Variants in FANCA observed in about 807,000 individuals in gnomAD.
FANCA encodes the protein Fanconi anemia group A protein.
A neutral mutation model predicts 194.3 loss-of-function variants in FANCA; 236 were observed. That is an observed-to-expected ratio of 1.21 (90% CI 1.09 to 1.35). FANCA has a LOEUF of 1.35. Among genes scored for constraint, FANCA ranks in the 40% most tolerant of loss-of-function variants. FANCA has a pLI of 0.00. For missense variants in FANCA, 2,628 were observed against 1,813.9 expected, an observed-to-expected ratio of 1.45 and a Z score of -8.15; for synonymous variants, 1,014 against 715.8, an observed-to-expected ratio of 1.42 and a Z score of -6.65.
At chr16:89,798,068 G>GA (rs1172553233) in intron 10 of FANCA, among the ~76,000 whole-genome samples, 1 of 152,126 alleles carries the variant, frequency 6.6e-6, no homozygotes, top group African/African-American at 2.4e-5. Flanking sequence ...TTCCTCTGTT[G>GA]AAGCCCAGCC....
rs1303882559 is a variant in FANCA at position 89,808,320 on chromosome 16, A to G, written c.570T>C (p.Ile190=). The G allele has an allele frequency of 2.5e-6, 4 of 1,614,194 alleles. No homozygotes were observed. The highest frequency in any genetic ancestry group is 1.1e-5 in the South Asian group (1 of 91,084). Residue 190 remains isoleucine, a synonymous_variant, in exon 6 of 43, where the codon ATT becomes ATC. Coordinates refer to ENST00000389301, the MANE Select transcript of FANCA (RefSeq NM_000135.4). ...TTTCCAGCAGCTCTTGCAGGCTCAC[A>G]ATGCCTTGTACGTGAAGATGCCACA... The part of the protein sequence containing the change: ...EAVWHLHVQG[I]VSLQELLESH...
intron 28 of FANCA, chr16:89,762,706 C>T (rs1041259651): frequency 3.4e-5 from 15 of 440,646 alleles, no homozygotes; most frequent in Middle Eastern, 3.3e-4. Flanking sequence ...AATCGTAGCT[C>T]GCTGCAGACT....
Position 89,748,677 on chromosome 16 carries a change from G to C in FANCA, c.3330C>G (p.His1110Gln). ...PITARCEQFF[H>Q]LVNSEMRNFC... ...CACCTACCATCTCAGAGTTGACCAA[G>C]TGGAAGAACTGCTCGCATCTGGCAG... The change falls in exon 33 of 43, where the codon CAC becomes CAG. Residue 1110 changes from histidine to glutamine, a missense_variant. Transcript: ENST00000389301. 6.2e-7 allele frequency: 1 copy of C among 1,614,050 alleles called. No homozygotes were observed. Among genetic ancestry groups the C allele is most frequent in the South Asian group, 1.1e-5 (1 of 91,076 alleles).
intron 5 of FANCA, 78 bp from the exon 6 acceptor site, chr16:89,808,445 C>G (rs1488627205): frequency 2.8e-6 from 4 of 1,437,466 alleles, no homozygotes; most frequent in Non-Finnish European, 3.9e-6. Context: ...AATGCATTTT[C>G]CTACAAAATG....
chr16:89,798,731 C>G (rs2040333887), intron 10 of FANCA: 1 of 1,343,682 alleles, frequency 7.4e-7, no homozygotes, highest in Non-Finnish European at 9.6e-7. Flanking sequence ...TGAATCTGAG[C>G]AGGATCTGTG....
In FANCA at chr16:89,758,655, G is replaced by A. The variant is rs779162871; in HGVS notation, c.2903C>T (p.Ser968Leu). 7.4e-6 allele frequency: 12 copies of A among 1,613,844 alleles called. No homozygotes were observed. Among genetic ancestry groups the A allele is most frequent in the African/African-American group, 4.0e-5 (3 of 74,928 alleles). Residue 968 changes from serine to leucine, a missense_variant, in exon 30 of 43, where the codon TCG (serine) becomes TTG (leucine). Transcript: ENST00000389301. The stretch of plus-strand genomic sequence containing the variant: ...GTCTCCGTCACAGCCCCCTGAAGCC[G>A]AGGACTCAGGGAGAAAGTGCTCATG... ...AIHEHFLPES[S>L]ASGGCDGDLQ... is the part of the protein sequence containing the mutation.
chr16:89,775,952 T>C lies in FANCA; in HGVS notation c.1827-137A>G, dbSNP rs570072990. 8.7e-4 allele frequency: 374 copies of C among 428,192 alleles called. 1 individual carries two copies. Among genetic ancestry groups the C allele is most frequent in the Admixed American group, 1.9e-3 (49 of 25,632 alleles). The allele number at this position is 428,192 out of a possible 1,614,324, so 26.5% of individuals were successfully genotyped here. On this transcript the variant is annotated intron_variant, in intron 20 of 42. Transcript: ENST00000389301. ...AAATACTGTGTACAGTATGAGCCTG[T>C]TTTTACAAAAAAATATTAAAAAATA...
Position 89,738,105 on chromosome 16 carries a change from C to G in FANCA, c.*496G>C. The G allele has an allele frequency of 6.2e-7, 1 of 1,613,984 alleles. No individual in the cohort carries two copies. The highest frequency in any genetic ancestry group is 8.5e-7 in the Non-Finnish European group (1 of 1,180,050). ...GCCGGCGGTTTGAGAAGGCCCACAA[C>G]CTCAATGTACACATGTCCATGGTGC... On this transcript the variant is annotated 3_prime_UTR_variant, in exon 43 of 43. Transcript: ENST00000389301.
At chr16:89,740,557 A>G in intron 38 of FANCA, 1 of 536,638 alleles carries the variant, frequency 1.9e-6, no homozygotes, top group Non-Finnish European at 3.3e-6. Flanking sequence ...AATTGCTTGA[A>G]CCCAGGAGGC....
At chr16:89,814,472 A>G (rs1450715416) in intron 3 of FANCA, 48 bp downstream of exon 3, 8 of 1,403,326 alleles carry the variant, frequency 5.7e-6, no homozygotes, top group Non-Finnish European at 7.1e-6. Context: ...GTTACTATAT[A>G]AAAACCCTTC....
chr16:89,739,746 C>T (rs1405101645), intron 39 of FANCA, 193 bp from the exon 40 acceptor site: 4 of 1,489,564 alleles, frequency 2.7e-6, no homozygotes, highest in Non-Finnish European at 2.7e-6. Flanking sequence ...CGACCTCTTG[C>T]AGGAGGGTGG....
rs538536565 is a variant in FANCA at position 89,744,861 on chromosome 16, C to T, written c.3626+98G>A. On this transcript the variant is annotated intron_variant, in intron 36 of 42. Transcript: ENST00000389301. Reference sequence around the variant, plus strand: ...TGCTCACACGAGAGGCTGCCCACACCGCTTCTCTCAAGCAAGCCAGGGTGT... The same window carrying T: ...TGCTCACACGAGAGGCTGCCCACACTGCTTCTCTCAAGCAAGCCAGGGTGT... The T allele has an allele frequency of 2.7e-5, 30 of 1,116,756 alleles. No homozygotes were observed. In the Middle Eastern group the frequency reaches 7.8e-4, roughly 29 times the overall value. 69.2% of individuals were successfully genotyped at this position (1,116,756 alleles called of 1,614,324 possible).
At chr16:89,795,869 ATGG>A in intron 11 of FANCA, 34 bp downstream of exon 11, 1 of 1,500,400 alleles carries the variant, frequency 6.7e-7, no homozygotes, top group South Asian at 1.1e-5. Flanking sequence ...AATCCCCAAA[ATGG>A]GTAGCAACTG....
Position 89,746,699 on chromosome 16 carries a change from G to T in FANCA, c.3409-11C>A. ...GGCGTTCAGGAGGCCCTGCAGGAGAGAACGCAGCAGGAGGTCAGCGGTTTG... is the reference window on the plus strand; with the variant it reads ...GGCGTTCAGGAGGCCCTGCAGGAGATAACGCAGCAGGAGGTCAGCGGTTTG... On this transcript the variant is annotated splice_polypyrimidine_tract_variant and intron_variant, in intron 34 of 42. Transcript: ENST00000389301. The T allele has an allele frequency of 6.2e-7, 1 of 1,612,812 alleles. No homozygotes were observed. Among genetic ancestry groups the T allele is most frequent in the South Asian group, 1.1e-5 (1 of 91,030 alleles).
intron 6 of FANCA, among the ~76,000 whole-genome samples, chr16:89,807,442 G>A (rs894491136): frequency 3.3e-5 from 5 of 150,450 alleles, no homozygotes; most frequent in African/African-American, 1.2e-4. Context: ...GACATAGCAG[G>A]TCTCTGTCTC....
intron 30 of FANCA, among the ~76,000 whole-genome samples, chr16:89,752,454 T>A (rs1489109334): frequency 6.6e-6 from 1 of 152,198 alleles, no homozygotes; most frequent in Non-Finnish European, 1.5e-5. Flanking sequence ...AATGCAAGGA[T>A]GTGGGTGGCA....
chr16:89,738,680 G>A lies in FANCA; in HGVS notation c.4289C>T (p.Pro1430Leu), dbSNP rs2062030973. ...ELLADRGDCD[P>L]EVSAALQSRQ... The stretch of plus-strand genomic sequence containing the variant: ...GCTCTGGAGGGCGGCGCTCACCTCT[G>A]GGTCGCAGTCCCCACGATCAGCCAG... The change falls in exon 43 of 43, where the codon CCA becomes CTA. Residue 1430 changes from proline to leucine, a missense_variant. Physicochemically the swap from Pro to Leu is moderately conservative, Grantham distance 98. Transcript: ENST00000389301. 1.2e-6 allele frequency: 2 copies of A among 1,613,790 alleles called. No individual in the cohort carries two copies. Among genetic ancestry groups the A allele is most frequent in the Non-Finnish European group, 1.7e-6 (2 of 1,180,022 alleles).
intron 10 of FANCA, 64 bp downstream of exon 10, chr16:89,799,102 G>C (rs1312993600): frequency 7.4e-6 from 12 of 1,613,992 alleles, no homozygotes; most frequent in Admixed American, 3.3e-5. Flanking sequence ...AAAATATCTT[G>C]GCTCTTTAAT....
At position 89,737,931 on chromosome 16, in the gene FANCA, C is replaced by A. The variant is rs17233812; in HGVS notation, c.*670G>T. On this transcript the variant is annotated 3_prime_UTR_variant, in exon 43 of 43. Transcript: ENST00000389301. ...GTAAGTGTGAGTCAGGACCCCCTCC[C>A]AGGGCTGTGGCCCTCGCACCTTCTT... The A allele has an allele frequency of 3.2e-3, 5,134 of 1,613,778 alleles. 168 individuals carry two copies. The African/African-American group carries it at 0.06, about 19-fold the overall frequency.
Sources: allele counts gnomAD v4.1 joint callset (sites outside exome capture counted in the v4.1 genomes callset), GRCh38; gene constraint gnomAD v4.1.1; transcripts MANE v1.5; gene names NCBI Gene and HGNC (gene_info 2026-07-23, HGNC 2026-07-21).